Variants in SUPT3H observed in about 807,000 individuals in gnomAD.
SUPT3H encodes SPT3 homolog, SAGA and STAGA complex component.
A neutral mutation model predicts 44.3 loss-of-function variants in SUPT3H; 44 were observed. The ratio of observed to expected loss-of-function variants is 0.99; its 90% CI spans 0.78 to 1.28. SUPT3H has a LOEUF of 1.28. Among genes scored for constraint, SUPT3H ranks in the 50% most tolerant of loss-of-function variants. The pLI is 0.00. For missense variants in SUPT3H, 380 were observed against 387.1 expected (o/e 0.98, Z 0.15); for synonymous variants, 124 against 125.6 (o/e 0.99, Z 0.09).
At chr6:45,013,757 C>T (rs1038527608) in intron 5 of SUPT3H, among the ~76,000 whole-genome samples, 19 of 152,132 alleles carry the variant, frequency 1.2e-4, no homozygotes, top group African/African-American at 4.6e-4. Context: ...ATGAGAGATG[C>T]CTACCTCTTG....
At chr6:45,231,452 G>A (rs1411965497) in intron 2 of SUPT3H, among the ~76,000 whole-genome samples, 1 of 152,170 alleles carries the variant, frequency 6.6e-6, no homozygotes, top group Non-Finnish European at 1.5e-5. Flanking sequence ...TTTCTACTGA[G>A]AAAGCTGCTC....
intron 2 of SUPT3H, among the ~76,000 whole-genome samples, chr6:45,281,596 G>A (rs1008801702): frequency 2.6e-5 from 4 of 152,198 alleles, no homozygotes; most frequent in African/African-American, 9.7e-5. Context: ...CAGCCGGGAA[G>A]CTCAAACTGG....
Position 45,328,268 on chromosome 6 carries a change from A to T in SUPT3H, c.101+36933T>A, listed in dbSNP as rs1185394146. ...ACCACATGATTCTGCCTCTCCAGTA[A>T]TAGTGCTTGCAAAAAAAAGGAGTTT... On this transcript the variant is annotated intron_variant, in intron 2 of 10. Coordinates refer to ENST00000371459, the MANE Select transcript of SUPT3H (RefSeq NM_003599.4). 6 of 1,355,250 alleles carry T rather than the reference A, an allele frequency of 4.4e-6. No individual in the cohort carries two copies. The South Asian group carries it at 4.6e-5, about 10-fold the overall frequency. The allele number at this position is 1,355,250 out of a possible 1,614,324, so 84.0% of individuals were successfully genotyped here.
chr6:44,977,442 A>AT (rs1212782736), intron 6 of SUPT3H, among the ~76,000 whole-genome samples: 2 of 152,128 alleles, frequency 1.3e-5, no homozygotes, highest in Non-Finnish European at 2.9e-5. Context: ...GATTCTCTGG[A>AT]TTTTTTAAAA....
At chr6:45,176,317 C>T (rs978747046) in intron 2 of SUPT3H, among the ~76,000 whole-genome samples, 1 of 151,664 alleles carries the variant, frequency 6.6e-6, no homozygotes, top group Non-Finnish European at 1.5e-5. Flanking sequence ...GGGTGACGGA[C>T]GCACCTGGAA....
At chr6:45,038,199 T>C (rs1002350603) in intron 3 of SUPT3H, among the ~76,000 whole-genome samples, 1 of 152,192 alleles carries the variant, frequency 6.6e-6, no homozygotes, top group Non-Finnish European at 1.5e-5. Flanking sequence ...AAGTTTTACT[T>C]ATGCTATGAA....
chr6:44,973,169 T>C (rs890339636), intron 6 of SUPT3H, among the ~76,000 whole-genome samples: 1 of 152,208 alleles, frequency 6.6e-6, no homozygotes, highest in African/African-American at 2.4e-5. Context: ...TGTAAATACA[T>C]AAAACTGAAT....
At chr6:45,234,608 A>T (rs1213479382) in intron 2 of SUPT3H, among the ~76,000 whole-genome samples, 2 of 151,992 alleles carry the variant, frequency 1.3e-5, no homozygotes, top group African/African-American at 4.8e-5. Flanking sequence ...CTAAATTATT[A>T]TTGGGCTGAA....
At chr6:45,019,183 T>C (rs1305804111) in intron 4 of SUPT3H, among the ~76,000 whole-genome samples, 4 of 152,020 alleles carry the variant, frequency 2.6e-5, no homozygotes, top group Non-Finnish European at 4.4e-5. Context: ...TCTGTGGGAT[T>C]GGTGGTGATA....
intron 2 of SUPT3H, among the ~76,000 whole-genome samples, chr6:45,326,369 C>T (rs1406516318): frequency 6.6e-6 from 1 of 151,818 alleles, no homozygotes; most frequent in Non-Finnish European, 1.5e-5. Context: ...AAGGACAAAA[C>T]CCTCCTTTTG....
In SUPT3H at chr6:45,095,964, T is replaced by C. The variant is rs1440134635; in HGVS notation, c.186+9958A>G. Among the ~76,000 whole-genome samples, 1 of 152,134 alleles carries C rather than the reference T, an allele frequency of 6.6e-6. No homozygotes were observed. The highest frequency in any genetic ancestry group is 2.4e-5 in the African/African-American group (1 of 41,446). On this transcript the variant is annotated intron_variant, in intron 3 of 10. Transcript: ENST00000371459. This position sits in a 1 kb window ranked among gnomAD's most constrained non-coding sequence, Gnocchi z 4.1. ...TCCATTTCTCATCTCAATCATGCCA[T>C]TAAATAGCCCCATTATTAACGACAA...
chr6:45,331,753 A>G (rs890087460), intron 2 of SUPT3H, among the ~76,000 whole-genome samples: 7 of 151,976 alleles, frequency 4.6e-5, no homozygotes, highest in African/African-American at 1.7e-4. Flanking sequence ...ATCCGTCTCT[A>G]TATCACAAGG....
At chr6:44,925,269 C>G (rs1316071508) in intron 10 of SUPT3H, among the ~76,000 whole-genome samples, 1 of 152,124 alleles carries the variant, frequency 6.6e-6, no homozygotes, top group Non-Finnish European at 1.5e-5. Flanking sequence ...GGGTACAGCA[C>G]AAAGCTTCTC....
intron 2 of SUPT3H, among the ~76,000 whole-genome samples, chr6:45,226,751 G>A (rs914072942): frequency 1.3e-5 from 2 of 151,978 alleles, no homozygotes; most frequent in African/African-American, 4.8e-5. Flanking sequence ...GGCTGGTCTC[G>A]AACTCCTGAC....
chr6:45,025,077 A>T (rs1422499341), intron 3 of SUPT3H, among the ~76,000 whole-genome samples: 1 of 152,208 alleles, frequency 6.6e-6, no homozygotes, highest in Non-Finnish European at 1.5e-5. Context: ...ATAATAATAC[A>T]TAAATCTCTC....
At chr6:44,884,489 C>A (rs745469691) in intron 10 of SUPT3H, among the ~76,000 whole-genome samples, 13 of 152,052 alleles carry the variant, frequency 8.5e-5, no homozygotes, top group Non-Finnish European at 1.5e-4. Flanking sequence ...TTTGCTCCAG[C>A]AAATACCAAA....
intron 3 of SUPT3H, among the ~76,000 whole-genome samples, chr6:45,026,275 T>C (rs116400328): frequency 0.018 from 2,673 of 152,276 alleles, 52 homozygotes; most frequent in South Asian, 0.086. Flanking sequence ...TGAAAGAACC[T>C]GGAGTTAAAT....
At chr6:45,219,266 G>C (rs1231852999) in intron 2 of SUPT3H, among the ~76,000 whole-genome samples, 1 of 151,850 alleles carries the variant, frequency 6.6e-6, no homozygotes, top group South Asian at 2.1e-4. Flanking sequence ...ATTTAAAGTA[G>C]GAAAATAGTA....
intron 3 of SUPT3H, among the ~76,000 whole-genome samples, chr6:45,104,240 T>G (rs1211846041): frequency 6.6e-6 from 1 of 152,120 alleles, no homozygotes; most frequent in Non-Finnish European, 1.5e-5. Context: ...AAAGGAAAAG[T>G]TATAATGTTG....
Sources: allele counts gnomAD v4.1 joint callset (sites outside exome capture counted in the v4.1 genomes callset), GRCh38; gene constraint gnomAD v4.1.1; non-coding constraint Gnocchi (gnomAD v3.1); transcripts MANE v1.5; gene names NCBI Gene and HGNC (gene_info 2026-07-23, HGNC 2026-07-21).